Variants in MIB1 observed in about 807,000 individuals in gnomAD.
The protein encoded by MIB1 is MIB E3 ubiquitin protein ligase 1.
Under a neutral mutation model 124.5 loss-of-function variants are expected in MIB1, and 278 were observed. The observed-to-expected ratio is 2.23, with a 90% confidence interval of 2.02 to 2.47. The LOEUF (loss-of-function observed/expected upper bound fraction) is 2.47. Among genes scored for constraint, MIB1 ranks in the 30% most tolerant of loss-of-function variants. The pLI is 0.00. For missense variants in MIB1, 957 were observed against 1,254.4 expected, an observed-to-expected ratio of 0.76 and a Z score of 3.58; for synonymous variants, 446 against 429.4, an observed-to-expected ratio of 1.04 and a Z score of -0.48.
In MIB1 at chr18:21,866,704, TAA is replaced by T. The variant is rs1568233111; in HGVS notation, c.*2039_*2040del. On this transcript the variant is annotated 3_prime_UTR_variant, in exon 21 of 21. Transcript: ENST00000261537. ...AGTGCTAAAACAGATCCCTAAAAGG[TAA>T]TAGCATCTTCCAGACTAGTTTAATT... The T allele has an allele frequency of 6.6e-6, 1 of 152,236 alleles. No homozygotes were observed. Among genetic ancestry groups the T allele is most frequent in the Non-Finnish European group, 1.5e-5 (1 of 68,044 alleles). 9.4% of individuals were successfully genotyped at this position (152,236 alleles called of 1,614,324 possible). A position where few individuals can be genotyped will look rare whatever the true frequency, so the allele number is the denominator to read the frequency against.
chr18:21,780,047 T>C (rs1371057000), intron 6 of MIB1, among the ~76,000 whole-genome samples: 1 of 152,182 alleles, frequency 6.6e-6, no homozygotes, highest in Non-Finnish European at 1.5e-5. Context: ...CTACCCTGAA[T>C]AGGAAGGGTT....
intron 6 of MIB1, among the ~76,000 whole-genome samples, chr18:21,781,053 CTTTT>C (rs1018150005): frequency 9.9e-5 from 15 of 152,046 alleles, no homozygotes; most frequent in Admixed American, 2.6e-4. Context: ...AAGCCATTTT[CTTTT>C]TTTCTCTTTT....
intron 14 of MIB1, 102 bp downstream of exon 14, chr18:21,843,319 C>A: frequency 1.4e-6 from 1 of 697,706 alleles, no homozygotes; most frequent in Non-Finnish European, 2.3e-6. Flanking sequence ...ATGTCTCAAG[C>A]TGGCATAGTT....
intron 1 of MIB1, among the ~76,000 whole-genome samples, chr18:21,712,510 C>T (rs1486342524): frequency 6.6e-6 from 1 of 152,182 alleles, no homozygotes; most frequent in African/African-American, 2.4e-5. Context: ...TGAACTGCCC[C>T]AGAGAAAGCC....
rs184599990 is a variant in MIB1 at position 21,793,334 on chromosome 18, G to C, written c.1092+1777G>C. 5.3e-5 allele frequency among the ~76,000 whole-genome samples: 8 copies of C among 152,336 alleles called. 1 individual carries two copies. In the East Asian group the frequency reaches 1.5e-3, roughly 29 times the overall value. ...CAGAGCCTCACTTTGAGGAGAAAGT[G>C]CTGGGAATAGAAACAAAATTTAGTA... On this transcript the variant is annotated intron_variant, in intron 7 of 20. Coordinates refer to ENST00000261537, the MANE Select transcript of MIB1 (RefSeq NM_020774.4).
upstream of MIB1, among the ~76,000 whole-genome samples, chr18:21,739,955 CA>C (rs937885690): frequency 1.1e-4 from 16 of 151,158 alleles, no homozygotes; most frequent in East Asian, 2.0e-4. Flanking sequence ...AAAAACCAAA[CA>C]AAAAAAATTT....
At chr18:21,711,274 T>C (rs959809632) in intron 1 of MIB1, among the ~76,000 whole-genome samples, 1 of 152,090 alleles carries the variant, frequency 6.6e-6, no homozygotes, top group African/African-American at 2.4e-5. Context: ...ATTTTATTTA[T>C]TTATTTATTT....
chr18:21,824,840 A>G (rs1186446938), intron 12 of MIB1, among the ~76,000 whole-genome samples: 1 of 151,978 alleles, frequency 6.6e-6, no homozygotes, highest in Non-Finnish European at 1.5e-5. Flanking sequence ...CTATAGTTTT[A>G]TTGCAATCAT....
chr18:21,776,221 GC>G (rs1183717309), intron 4 of MIB1, among the ~76,000 whole-genome samples: 2 of 149,962 alleles, frequency 1.3e-5, no homozygotes, highest in Admixed American at 6.6e-5. Flanking sequence ...GCTGCAGTGA[GC>G]CGTGATCGTG....
At chr18:21,719,340 G>GA (rs1438500530) in intron 1 of MIB1, among the ~76,000 whole-genome samples, 2 of 151,710 alleles carry the variant, frequency 1.3e-5, no homozygotes, top group East Asian at 1.9e-4. Flanking sequence ...TGTCTGTGAA[G>GA]AAAAAAAGGA....
At chr18:21,724,772 A>G (rs1488692750) in intron 1 of MIB1, among the ~76,000 whole-genome samples, 5 of 107,752 alleles carry the variant, frequency 4.6e-5, no homozygotes, top group Non-Finnish European at 7.4e-5. Flanking sequence ...ATATATATAT[A>G]TTAGTCTATA....
intron 10 of MIB1, among the ~76,000 whole-genome samples, chr18:21,805,556 G>C (rs939268573): frequency 6.6e-6 from 1 of 151,846 alleles, no homozygotes; most frequent in South Asian, 2.1e-4. Flanking sequence ...TATTATTTTA[G>C]TTTTATTTGG....
chr18:21,784,466 A>G (rs2041410477), intron 6 of MIB1, among the ~76,000 whole-genome samples: 1 of 152,206 alleles, frequency 6.6e-6, no homozygotes, highest in East Asian at 1.9e-4. Flanking sequence ...CAAGAGACCG[A>G]GGGCACAAGC....
At chr18:21,735,343 C>G (rs2040791652) in intron 1 of MIB1, among the ~76,000 whole-genome samples, 1 of 152,204 alleles carries the variant, frequency 6.6e-6, no homozygotes, top group Non-Finnish European at 1.5e-5. Context: ...GGATCAGATA[C>G]TGTGCTTTTC....
At chr18:21,739,396 C>G (rs2040816493), upstream of MIB1, among the ~76,000 whole-genome samples, 1 of 152,086 alleles carries the variant, frequency 6.6e-6, no homozygotes, top group African/African-American at 2.4e-5. Context: ...AAAACTATTC[C>G]AAACAACAGA....
At chr18:21,727,015 GCT>G (rs1051621205) in intron 1 of MIB1, among the ~76,000 whole-genome samples, 2 of 152,094 alleles carry the variant, frequency 1.3e-5, no homozygotes, top group African/African-American at 4.8e-5. Context: ...CTGGCCCTTG[GCT>G]CCACACTCTG....
chr18:21,765,014 T>C (rs1353399190), intron 1 of MIB1, among the ~76,000 whole-genome samples: 1 of 152,200 alleles, frequency 6.6e-6, no homozygotes, highest in Non-Finnish European at 1.5e-5. Context: ...GATATTAATA[T>C]AACAATAGAA....
At position 21,779,565 on chromosome 18, in the gene MIB1, C is replaced by T. The variant is rs1271201009; in HGVS notation, c.788C>T (p.Ser263Phe). The T allele has an allele frequency of 6.2e-7, 1 of 1,613,968 alleles. No homozygotes were observed. Among genetic ancestry groups the T allele is most frequent in the Non-Finnish European group, 8.5e-7 (1 of 1,179,954 alleles). The change falls in exon 6 of 21, where the codon TCT becomes TTT. Residue 263 changes from serine (S) to phenylalanine (F), a missense_variant. By Grantham distance (155) the Ser-to-Phe change is radical. Transcript: ENST00000261537. ...NIDLDLEIVQ[S>F]LQHGHGGWTD... ...GATCTCGACCTCGAAATTGTACAGT[C>T]TTTGCAGCATGGTCATGGAGGATGG... is the stretch of plus-strand genomic sequence containing the variant.
At chr18:21,828,911 A>G (rs149066998) in intron 12 of MIB1, 4 of 421,874 alleles carry the variant, frequency 9.5e-6, no homozygotes, top group Non-Finnish European at 1.9e-5. Context: ...TCATCTGTTC[A>G]TGACTAGGTT....
Sources: allele counts gnomAD v4.1 joint callset (sites outside exome capture counted in the v4.1 genomes callset), GRCh38; gene constraint gnomAD v4.1.1; transcripts MANE v1.5; gene names NCBI Gene and HGNC (gene_info 2026-07-23, HGNC 2026-07-21).